The following SUSD6 variants were observed in gnomAD, a reference collection of about 807,000 sequenced individuals.
The protein encoded by SUSD6 is sushi domain containing 6, also known as sushi domain-containing protein 6.
SUSD6 carries 16 observed loss-of-function variants against 28.4 expected under a neutral mutation model. The ratio of observed to expected loss-of-function variants is 0.56; its 90% CI spans 0.38 to 0.86. The LOEUF (loss-of-function observed/expected upper bound fraction) is 0.86, where lower values mean the gene tolerates loss of function less well. SUSD6 is among the 40% of genes least tolerant of loss of function. The pLI is 0.00. For missense variants in SUSD6, 341 were observed against 384.2 expected (o/e 0.89, Z 0.94); for synonymous variants, 147 against 159.6 (o/e 0.92, Z 0.59).
intron 2 of SUSD6, among the ~76,000 whole-genome samples, chr14:69,660,340 A>T (rs944498586): frequency 6.6e-6 from 1 of 152,162 alleles, no homozygotes; most frequent in African/African-American, 2.4e-5. Flanking sequence ...CAACATATAG[A>T]TGTGCCTTTC....
At chr14:69,630,576 A>G (rs1885178533) in intron 1 of SUSD6, among the ~76,000 whole-genome samples, 1 of 152,174 alleles carries the variant, frequency 6.6e-6, no homozygotes, top group African/African-American at 2.4e-5. Flanking sequence ...ACTAAAACAC[A>G]GAGGAAAAAC....
intron 2 of SUSD6, among the ~76,000 whole-genome samples, chr14:69,660,293 T>TA (rs1197386653): frequency 3.3e-5 from 5 of 152,208 alleles, no homozygotes; most frequent in African/African-American, 1.2e-4. Flanking sequence ...AAGAAACAAT[T>TA]ACAGATTTTT....
intron 1 of SUSD6, among the ~76,000 whole-genome samples, chr14:69,614,436 C>T (rs762850109): frequency 6.6e-6 from 1 of 152,158 alleles, no homozygotes; most frequent in Non-Finnish European, 1.5e-5. Flanking sequence ...TTTGGTGGGG[C>T]AGCAATTCCT....
intron 2 of SUSD6, among the ~76,000 whole-genome samples, chr14:69,660,482 A>T (rs1045466846): frequency 6.6e-6 from 1 of 152,214 alleles, no homozygotes; most frequent in Admixed American, 6.5e-5. Context: ...GTTTCAAAGG[A>T]AGAGAAGACC....
chr14:69,629,080 G>A (rs1453974168), intron 1 of SUSD6, among the ~76,000 whole-genome samples: 1 of 152,020 alleles, frequency 6.6e-6, no homozygotes, highest in East Asian at 1.9e-4. Context: ...GGTGGTGAGG[G>A]AGGCAGAGAA....
chr14:69,685,997 G>A (rs1886067615), intron 2 of SUSD6, among the ~76,000 whole-genome samples: 1 of 152,236 alleles, frequency 6.6e-6, no homozygotes, highest in African/African-American at 2.4e-5. Context: ...CGCATGTGCT[G>A]CAGCGGTAAC....
chr14:69,662,467 C>T (rs755217782), intron 2 of SUSD6, among the ~76,000 whole-genome samples: 53 of 152,078 alleles, frequency 3.5e-4, no homozygotes, highest in Non-Finnish European at 7.4e-4. Context: ...ATCTACAGCT[C>T]GAGATTTGCA....
chr14:69,703,573 T>C lies in SUSD6; in HGVS notation c.300T>C (p.Ile100=). 6.2e-7 allele frequency: 1 copy of C among 1,614,184 alleles called. No homozygotes were observed. Among genetic ancestry groups the C allele is most frequent in the Non-Finnish European group, 8.5e-7 (1 of 1,180,016 alleles). Residue 100 remains isoleucine, a synonymous_variant, in exon 3 of 6, where the codon ATT becomes ATC. Transcript: ENST00000342745. ...GCGAGTGGAAACCAGCCATGGAGAT[T>C]AGCTGCCGTCTCAACGAGGGTCAGT... ...KNGEWKPAME[I]SCRLNEDKDT...
chr14:69,677,810 C>T (rs772541222), intron 2 of SUSD6, among the ~76,000 whole-genome samples: 9 of 152,026 alleles, frequency 5.9e-5, no homozygotes. Context: ...TACCAAATAC[C>T]CTGTTAAGAA....
In SUSD6 at chr14:69,681,518, G is replaced by A. The variant is rs114387072; in HGVS notation, c.122-21877G>A. On this transcript the variant is annotated intron_variant, in intron 2 of 5. Transcript: ENST00000342745. ...AGACTGCTGACGTAAGTGGCCTGCA[G>A]TAGGAGGGTTGTGGTGGGCCAGAGA... Among the ~76,000 whole-genome samples the A allele has an allele frequency of 8.4e-3, 1,286 of 152,372 alleles. 13 individuals carry two copies. Among genetic ancestry groups the A allele is most frequent in the African/African-American group, 0.029 (1,222 of 41,588 alleles).
At chr14:69,614,224 G>A (rs1884925237) in intron 1 of SUSD6, among the ~76,000 whole-genome samples, 2 of 152,106 alleles carry the variant, frequency 1.3e-5, no homozygotes, top group African/African-American at 4.8e-5. Flanking sequence ...GTGTCATCAC[G>A]CCTGGCTAAT....
At chr14:69,637,751 C>T (rs549892421) in intron 1 of SUSD6, among the ~76,000 whole-genome samples, 2 of 152,308 alleles carry the variant, frequency 1.3e-5, no homozygotes, top group East Asian at 1.9e-4. Flanking sequence ...GTGCAGATTG[C>T]TGTCCTCTGA....
chr14:69,656,375 C>T (rs1006724544), intron 1 of SUSD6, among the ~76,000 whole-genome samples: 1 of 152,174 alleles, frequency 6.6e-6, no homozygotes, highest in African/African-American at 2.4e-5. Flanking sequence ...TCTTGATGAT[C>T]CACTGGTTAT....
chr14:69,681,174 G>A (rs907091185), intron 2 of SUSD6, among the ~76,000 whole-genome samples: 3 of 152,072 alleles, frequency 2.0e-5, no homozygotes, highest in African/African-American at 7.2e-5. Flanking sequence ...CTCACCCTTC[G>A]CTACCACCAA....
intron 1 of SUSD6, among the ~76,000 whole-genome samples, chr14:69,643,211 C>T (rs1351943120): frequency 6.6e-6 from 1 of 152,174 alleles, no homozygotes; most frequent in Non-Finnish European, 1.5e-5. Context: ...GTTGAGTCCC[C>T]ATTATTCCAC....
chr14:69,695,724 A>G (rs1173964836), intron 2 of SUSD6, among the ~76,000 whole-genome samples: 4 of 152,212 alleles, frequency 2.6e-5, no homozygotes, highest in East Asian at 3.8e-4. Flanking sequence ...TTGAGCAAGT[A>G]TCTCAACCCC....
chr14:69,666,755 A>G (rs1051465066), intron 2 of SUSD6, among the ~76,000 whole-genome samples: 4 of 152,116 alleles, frequency 2.6e-5, no homozygotes, highest in African/African-American at 7.2e-5. Flanking sequence ...TAGTCATCCA[A>G]AATTCTGGGA....
Position 69,658,524 on chromosome 14 carries a change from C to T in SUSD6, c.-69C>T, listed in dbSNP as rs188576160. ...TTTGTTTGTTACAGGTGAATCAGCT[C>T]CCGGCCGACTTTAGGATTCTTCTGG... is the stretch of plus-strand genomic sequence containing the variant. On this transcript the variant is annotated 5_prime_UTR_variant, in exon 2 of 6. Transcript: ENST00000342745. 24 of 1,551,388 alleles carry T rather than the reference C, an allele frequency of 1.5e-5. No homozygotes were observed. Among genetic ancestry groups the T allele is most frequent in the Non-Finnish European group, 2.1e-5 (24 of 1,132,930 alleles).
chr14:69,612,184 C>T (rs1320767732), intron 1 of SUSD6, among the ~76,000 whole-genome samples: 1 of 152,042 alleles, frequency 6.6e-6, no homozygotes, highest in Non-Finnish European at 1.5e-5. Flanking sequence ...GACGCCGTGC[C>T]GATGGGTGCA....
Sources: allele counts gnomAD v4.1 joint callset (sites outside exome capture counted in the v4.1 genomes callset), GRCh38; gene constraint gnomAD v4.1.1; transcripts MANE v1.5; gene names NCBI Gene and HGNC (gene_info 2026-07-23, HGNC 2026-07-21).